Variants in SHC3 observed in about 807,000 individuals in gnomAD.
The protein encoded by SHC3 is SHC-transforming protein 3.
Under a neutral mutation model 60.4 loss-of-function variants are expected in SHC3, and 15 were observed. The observed-to-expected ratio is 0.25, with a 90% CI of 0.17 to 0.38. The LOEUF is 0.38. Ranked by LOEUF, SHC3 falls within the 10% of genes least tolerant of loss-of-function variation. The pLI, the probability that SHC3 is intolerant of heterozygous loss-of-function variation, is 1.00. For synonymous variants in SHC3, 294 were observed against 325.9 expected (o/e 0.90, Z 1.05); for missense variants, 677 against 786.1 (o/e 0.86, Z 1.66).
At chr9:89,051,169 A>G (rs1824855746) in intron 7 of SHC3, among the ~76,000 whole-genome samples, 1 of 152,212 alleles carries the variant, frequency 6.6e-6, no homozygotes, top group Non-Finnish European at 1.5e-5. Flanking sequence ...AAGGCATAGA[A>G]GAATGTGGCT....
intron 1 of SHC3, among the ~76,000 whole-genome samples, chr9:89,140,907 G>A (rs984621309): frequency 1.3e-5 from 2 of 152,064 alleles, no homozygotes; most frequent in Non-Finnish European, 2.9e-5. Flanking sequence ...GATTCAAGAA[G>A]GGGAAAAAGA....
At chr9:89,161,378 G>T (rs1266100231) in intron 1 of SHC3, among the ~76,000 whole-genome samples, 1 of 152,130 alleles carries the variant, frequency 6.6e-6, no homozygotes, top group East Asian at 1.9e-4. Flanking sequence ...CTGCTGTGAA[G>T]TCTCCCCAGA....
intron 10 of SHC3, among the ~76,000 whole-genome samples, chr9:89,038,818 G>A (rs1824627441): frequency 6.6e-6 from 1 of 152,232 alleles, no homozygotes; most frequent in Non-Finnish European, 1.5e-5. Flanking sequence ...GCTGACGGGT[G>A]TTGGGTTCCT....
chr9:89,090,697 A>G (rs927945102), intron 2 of SHC3, among the ~76,000 whole-genome samples: 4 of 152,158 alleles, frequency 2.6e-5, no homozygotes, highest in African/African-American at 9.7e-5. Flanking sequence ...GCCACAGAGA[A>G]AGGGGAGTGA....
At chr9:89,045,963 C>A in intron 8 of SHC3, 130 bp from the exon 9 acceptor site, 1 of 756,452 alleles carries the variant, frequency 1.3e-6, no homozygotes, top group Non-Finnish European at 2.1e-6. Flanking sequence ...CCCAATTTTC[C>A]CTTCATGCCT....
chr9:89,105,259 C>T (rs1006331762), intron 2 of SHC3, among the ~76,000 whole-genome samples: 1 of 152,186 alleles, frequency 6.6e-6, no homozygotes, highest in African/African-American at 2.4e-5. Context: ...ATAACTGCTA[C>T]TCCTGACTGT....
rs534663557 is a variant in SHC3 at position 89,026,109 on chromosome 9, G to T, written c.1656+11884C>A. On this transcript the variant is annotated intron_variant, in intron 11 of 11. Transcript: ENST00000375835. The stretch of plus-strand genomic sequence containing the variant: ...AAATACACACACACACCCCAAATTA[G>T]CTGGGCGTGGTGGTGCATGCCTGTA... 2.7e-3 allele frequency among the ~76,000 whole-genome samples: 417 copies of T among 152,142 alleles called. 1 individual carries two copies. Among genetic ancestry groups the T allele is most frequent in the Non-Finnish European group, 4.6e-3 (310 of 68,000 alleles).
chr9:89,139,460 C>A (rs145994053), intron 1 of SHC3, among the ~76,000 whole-genome samples: 1 of 152,266 alleles, frequency 6.6e-6, no homozygotes, highest in African/African-American at 2.4e-5. Context: ...TTTAAATTGG[C>A]TTTTGTGAAA....
At chr9:89,015,074 G>T (rs1192988732) in intron 11 of SHC3, among the ~76,000 whole-genome samples, 3 of 152,282 alleles carry the variant, frequency 2.0e-5, no homozygotes, top group African/African-American at 7.2e-5. Context: ...AAGTTCAAAA[G>T]GAAGCTTTTT....
At chr9:89,060,144 GGTGGTGGAGGGCGGTGGTGGAGGAT>G (rs1825060948) in intron 6 of SHC3, among the ~76,000 whole-genome samples, 1 of 147,382 alleles carries the variant, frequency 6.8e-6, no homozygotes. Context: ...GGTGGAGGGC[GGTGGTGGAGGGCGGTGGTGGAGGAT>G]GTGGTGGAGG....
intron 1 of SHC3, among the ~76,000 whole-genome samples, chr9:89,114,365 C>T (rs1184962631): frequency 3.3e-5 from 5 of 151,878 alleles, no homozygotes; most frequent in African/African-American, 9.7e-5. Context: ...CCCCCATGGA[C>T]GTATACAGTT....
Position 89,123,424 on chromosome 9 carries a change from C to T in SHC3, c.475-10798G>A, listed in dbSNP as rs1826119485. On this transcript the variant is annotated intron_variant, in intron 1 of 11. Transcript: ENST00000375835. ...CCTCAATGATCCTCTTGAGGGTCATCTCATTCTGATGAGAGATGGAAGAGG... is the reference window on the plus strand; with the variant it reads ...CCTCAATGATCCTCTTGAGGGTCATTTCATTCTGATGAGAGATGGAAGAGG... 1.3e-5 allele frequency among the ~76,000 whole-genome samples: 2 copies of T among 152,168 alleles called. 1 individual carries two copies. Among genetic ancestry groups the T allele is most frequent in the South Asian group, 4.1e-4 (2 of 4,828 alleles).
intron 10 of SHC3, among the ~76,000 whole-genome samples, chr9:89,039,661 C>T (rs766266121): frequency 1.3e-5 from 2 of 151,888 alleles, no homozygotes; most frequent in Non-Finnish European, 2.9e-5. Context: ...TCACCATCAT[C>T]CCCATTGTTA....
intron 2 of SHC3, chr9:89,088,705 G>T: frequency 6.6e-6 from 1 of 152,542 alleles, no homozygotes. Flanking sequence ...GAGCTGTGGG[G>T]AAATGCTGAT....
At position 89,137,900 on chromosome 9, in the gene SHC3, T is replaced by C. The variant is rs575620094; in HGVS notation, c.475-25274A>G. ...ATAAGAAAAGAACGATAACAGCCCATAGTACAAAGACAAAGCCATTATTTT... is the reference window on the plus strand; with the variant it reads ...ATAAGAAAAGAACGATAACAGCCCACAGTACAAAGACAAAGCCATTATTTT... On this transcript the variant is annotated intron_variant, in intron 1 of 11. Transcript: ENST00000375835. Among the ~76,000 whole-genome samples, 225 of 152,276 alleles carry C rather than the reference T, an allele frequency of 1.5e-3. 5 individuals carry two copies. In the South Asian group the frequency reaches 0.021, roughly 14 times the overall value.
intron 5 of SHC3, among the ~76,000 whole-genome samples, chr9:89,066,523 C>T (rs1384948344): frequency 6.6e-6 from 1 of 152,120 alleles, no homozygotes; most frequent in African/African-American, 2.4e-5. Flanking sequence ...CCACGGCAAC[C>T]ATATGCATTT....
At chr9:89,050,167 G>T (rs1824839401) in intron 7 of SHC3, among the ~76,000 whole-genome samples, 1 of 152,194 alleles carries the variant, frequency 6.6e-6, no homozygotes, top group Admixed American at 6.5e-5. Context: ...ATTATAAAAT[G>T]GTGTAGGGGG....
At chr9:89,165,690 T>C (rs1039026855) in intron 1 of SHC3, among the ~76,000 whole-genome samples, 55 of 152,022 alleles carry the variant, frequency 3.6e-4, no homozygotes, top group African/African-American at 1.1e-3. Context: ...GTCTCAGATT[T>C]GGGGAGAGGA....
intron 2 of SHC3, among the ~76,000 whole-genome samples, chr9:89,101,398 TC>T (rs1284520608): frequency 1.3e-5 from 2 of 152,128 alleles, no homozygotes; most frequent in Non-Finnish European, 2.9e-5. Context: ...TTTATTTTTT[TC>T]TTGCCTTATT....
Sources: allele counts gnomAD v4.1 joint callset (sites outside exome capture counted in the v4.1 genomes callset), GRCh38; gene constraint gnomAD v4.1.1; transcripts MANE v1.5; gene names NCBI Gene and HGNC (gene_info 2026-07-23, HGNC 2026-07-21).